The following PI4KB variants were observed in gnomAD, a reference collection of about 807,000 sequenced individuals.
PI4KB encodes phosphatidylinositol 4-kinase beta, also known as PtdIns 4-kinase beta.
Under a neutral mutation model 81.4 loss-of-function variants are expected in PI4KB, and 23 were observed. That is an observed-to-expected ratio of 0.28 (90% confidence interval 0.20 to 0.40). PI4KB has a LOEUF of 0.40. PI4KB is among the 10% of genes least tolerant of loss of function. The pLI is 1.00. For missense variants in PI4KB, 651 were observed against 1,036.6 expected, an observed-to-expected ratio of 0.63 and a Z score of 5.11; for synonymous variants, 381 against 406.8, an observed-to-expected ratio of 0.94 and a Z score of 0.76.
chr1:151,308,994 T>G (rs1696004000), intron 3 of PI4KB, among the ~76,000 whole-genome samples: 1 of 152,220 alleles, frequency 6.6e-6, no homozygotes, highest in South Asian at 2.1e-4. Context: ...GAAAAGCTCA[T>G]TCCAGCCTCT....
At chr1:151,326,154 T>C in intron 1 of PI4KB, 1 of 1,612,870 alleles carries the variant, frequency 6.2e-7, no homozygotes, top group South Asian at 1.1e-5. Flanking sequence ...TTAAATAATC[T>C]GAAACAAGTT....
intron 3 of PI4KB, among the ~76,000 whole-genome samples, 166 bp from the exon 4 acceptor site, chr1:151,307,967 C>T (rs1184717427): frequency 2.6e-5 from 4 of 152,204 alleles, no homozygotes; most frequent in Admixed American, 2.0e-4. Flanking sequence ...CCACCCTTCA[C>T]AACTTGAATT....
At chr1:151,321,131 A>C (rs1018290917) in intron 1 of PI4KB, among the ~76,000 whole-genome samples, 1 of 152,188 alleles carries the variant, frequency 6.6e-6, no homozygotes, top group Non-Finnish European at 1.5e-5. Context: ...TTGCTACTGA[A>C]CAGACTCTCC....
intron 1 of PI4KB, among the ~76,000 whole-genome samples, chr1:151,325,934 A>T (rs1395346278): frequency 1.3e-5 from 2 of 152,114 alleles, no homozygotes; most frequent in African/African-American, 4.8e-5. Flanking sequence ...CACATGCTGA[A>T]CCCAGGAGTC....
intron 1 of PI4KB, among the ~76,000 whole-genome samples, chr1:151,327,063 G>A (rs1229968408): frequency 6.6e-6 from 1 of 152,156 alleles, no homozygotes; most frequent in Non-Finnish European, 1.5e-5. Flanking sequence ...GCAGAGGGAG[G>A]AGCTAATAGA....
chr1:151,294,687 C>T (rs1265341237), intron 9 of PI4KB, 146 bp from the exon 10 acceptor site: 2 of 661,170 alleles, frequency 3.0e-6, no homozygotes, highest in Non-Finnish European at 5.3e-6. Context: ...AATCTCCTGT[C>T]CAGTTTCCTA....
intron 11 of PI4KB, chr1:151,293,807 T>C: frequency 1.8e-6 from 1 of 541,706 alleles, no homozygotes; most frequent in Non-Finnish European, 3.2e-6. Flanking sequence ...CAGGTGCTGC[T>C]ATCCCCTTCC....
intron 4 of PI4KB, 71 bp from the exon 5 acceptor site, chr1:151,306,434 A>AGGAAGAACCTTGCTAACAG: frequency 1.0e-6 from 1 of 973,686 alleles, no homozygotes; most frequent in Non-Finnish European, 1.6e-6. Flanking sequence ...CTCTGTTAGC[A>AGGAAGAACCTTGCTAACAG]AGGTTCTTCC....
At chr1:151,306,458 C>A in intron 4 of PI4KB, 95 bp from the exon 5 acceptor site, 1 of 767,500 alleles carries the variant, frequency 1.3e-6, no homozygotes, top group East Asian at 2.6e-5. Flanking sequence ...TGTCCTTTCT[C>A]CTAGCTCCAG....
At chr1:151,305,526 T>C (rs1235260202) in intron 5 of PI4KB, among the ~76,000 whole-genome samples, 1 of 152,324 alleles carries the variant, frequency 6.6e-6, no homozygotes, top group South Asian at 2.1e-4. Context: ...GCACTCTTTG[T>C]CCAGCTAATT....
chr1:151,292,229 C>T lies in PI4KB; in HGVS notation c.*623G>A, dbSNP rs1694340330. ...GAAGGAGTCAGGGTAGGGAATTCCA[C>T]ATGGCTAGGCCAGTACCCTCAGTAC... On this transcript the variant is annotated 3_prime_UTR_variant, in exon 12 of 12. Coordinates refer to ENST00000368873, the MANE Select transcript of PI4KB (RefSeq NM_001369623.2). 1 of 152,400 alleles carries T rather than the reference C, an allele frequency of 6.6e-6. No individual in the cohort carries two copies. Among genetic ancestry groups the T allele is most frequent in the African/African-American group, 2.4e-5 (1 of 41,452 alleles). 9.4% of individuals were successfully genotyped at this position (152,400 alleles called of 1,614,324 possible). A position where few individuals can be genotyped will look rare whatever the true frequency, so the allele number is the denominator to read the frequency against.
intron 1 of PI4KB, among the ~76,000 whole-genome samples, chr1:151,317,681 C>T (rs1310409437): frequency 6.6e-6 from 1 of 152,182 alleles, no homozygotes; most frequent in African/African-American, 2.4e-5. Context: ...CCTAACTCTT[C>T]AAATACTTTT....
At chr1:151,298,717 T>A in intron 9 of PI4KB, 91 bp downstream of exon 9, 1 of 1,303,888 alleles carries the variant, frequency 7.7e-7, no homozygotes, top group Non-Finnish European at 1.1e-6. Flanking sequence ...ATCTTTGCCA[T>A]GGAGGGCAGT....
At chr1:151,298,443 C>A (rs1300156570) in intron 9 of PI4KB, 9 of 218,812 alleles carry the variant, frequency 4.1e-5, no homozygotes. Context: ...CTCATGGTAC[C>A]ACCTCCTACT....
intron 9 of PI4KB, among the ~76,000 whole-genome samples, chr1:151,296,099 A>G (rs1351168959): frequency 6.6e-6 from 1 of 152,136 alleles, no homozygotes; most frequent in Non-Finnish European, 1.5e-5. Context: ...TACAAAAATT[A>G]GCTGGGCGTG....
chr1:151,303,418 A>G (rs1213593607), intron 6 of PI4KB, 123 bp downstream of exon 6: 6 of 737,276 alleles, frequency 8.1e-6, no homozygotes, highest in Non-Finnish European at 1.5e-5. Context: ...AAACAAGGAC[A>G]GAATGAAAGA....
At chr1:151,312,351 CAG>C (rs1200354192) in intron 2 of PI4KB, among the ~76,000 whole-genome samples, 3 of 152,150 alleles carry the variant, frequency 2.0e-5, no homozygotes, top group Non-Finnish European at 2.9e-5. Context: ...AGACTGGGAG[CAG>C]AGTGTTAGGG....
chr1:151,326,230 G>A (rs541657587), intron 1 of PI4KB: 2 of 1,584,632 alleles, frequency 1.3e-6, no homozygotes, highest in Admixed American at 3.5e-5. Context: ...CTCCGGAGTA[G>A]TCAACCAAGT....
chr1:151,298,969 G>A lies in PI4KB; in HGVS notation c.1854C>T (p.Ser618=). ...GTGACTGTTTCTTCACCTGATGGAT[G>A]GACACAGCATTGACCACTGGTTCAA... ...GMIEPVVNAV[S]IHQVKKQSQL... Residue 618 remains serine (S), a synonymous_variant, in exon 9 of 12, where the codon TCC becomes TCT. Coordinates refer to ENST00000368873, the MANE Select transcript of PI4KB (RefSeq NM_001369623.2). 6.2e-7 allele frequency: 1 copy of A among 1,614,082 alleles called. No individual in the cohort carries two copies. The highest frequency in any genetic ancestry group is 8.5e-7 in the Non-Finnish European group (1 of 1,179,972).
Sources: gnomAD v4.1 joint callset for allele counts (sites outside exome capture counted in the v4.1 genomes callset) on GRCh38, gnomAD v4.1.1 for gene constraint, MANE v1.5 for transcripts, NCBI Gene and HGNC (gene_info 2026-07-23, HGNC 2026-07-21) for gene names.